Variants in CAMTA1 observed in about 807,000 individuals in gnomAD.
The protein encoded by CAMTA1 is calmodulin-binding transcription activator 1.
Under a neutral mutation model 170.9 loss-of-function variants are expected in CAMTA1, and 27 were observed. The observed-to-expected ratio is 0.16, with a 90% CI of 0.12 to 0.22. The LOEUF (loss-of-function observed/expected upper bound fraction) is 0.22, where lower values mean the gene tolerates loss of function less well. Among genes scored for constraint, CAMTA1 ranks in the 10% least tolerant of loss-of-function variants. The probability of loss-of-function intolerance (pLI) is 1.00; values close to 1 mark genes in which losing one functional copy is unlikely to be tolerated. For missense variants in CAMTA1, 1,619 were observed against 2,217.2 expected (o/e 0.73, Z 5.42); for synonymous variants, 833 against 891.5 (o/e 0.93, Z 1.17).
At chr1:6,998,062 G>A (rs775191880) in intron 3 of CAMTA1, among the ~76,000 whole-genome samples, 1 of 151,152 alleles carries the variant, frequency 6.6e-6, no homozygotes, top group Non-Finnish European at 1.5e-5. Flanking sequence ...TTATTCTTTG[G>A]CTGTGTACTG....
At chr1:7,149,829 C>T (rs1299582122) in intron 4 of CAMTA1, among the ~76,000 whole-genome samples, 3 of 152,136 alleles carry the variant, frequency 2.0e-5, no homozygotes, top group Non-Finnish European at 4.4e-5. Context: ...GCCGGGAAGA[C>T]GTTGAAGACA....
chr1:7,524,510 T>G (rs2094407247), intron 6 of CAMTA1, among the ~76,000 whole-genome samples: 1 of 152,176 alleles, frequency 6.6e-6, no homozygotes, highest in Non-Finnish European at 1.5e-5. Context: ...TCCTGTACTG[T>G]GTTGGGTGAG....
At position 7,249,452 on chromosome 1, in the gene CAMTA1, C is replaced by G. The variant is rs768297917; in HGVS notation, c.303-39C>G. 1 of 1,582,198 alleles carries G rather than the reference C, an allele frequency of 6.3e-7. No homozygotes were observed. The highest frequency in any genetic ancestry group is 1.2e-5 in the South Asian group (1 of 85,866). ...TCTTTCTTCATAAATTTTTCTTCTACTTGGTACTCTTGGTAACTTAACCAT... is the reference window on the plus strand; with the variant it reads ...TCTTTCTTCATAAATTTTTCTTCTAGTTGGTACTCTTGGTAACTTAACCAT... On this transcript the variant is annotated intron_variant, in intron 4 of 22. Transcript: ENST00000303635. The surrounding 1 kb of genome is among the most constrained non-coding windows in gnomAD (Gnocchi z 4.4).
At chr1:7,449,595 C>A (rs1206324862) in intron 5 of CAMTA1, among the ~76,000 whole-genome samples, 2 of 151,936 alleles carry the variant, frequency 1.3e-5, no homozygotes, top group African/African-American at 2.4e-5. Context: ...CATGGTGAAA[C>A]CCCATCTCTA....
chr1:7,747,875 T>G, intron 19 of CAMTA1, 94 bp downstream of exon 19: 1 of 665,384 alleles, frequency 1.5e-6, no homozygotes, highest in East Asian at 2.9e-5. Context: ...ATCTAGTACC[T>G]CATTACAGAG....
intron 7 of CAMTA1, among the ~76,000 whole-genome samples, chr1:7,657,324 C>T (rs573225563): frequency 1.2e-4 from 18 of 152,218 alleles, no homozygotes; most frequent in Non-Finnish European, 2.6e-4. Context: ...GAGAGGGTCC[C>T]TCTGTCTGGG....
chr1:6,863,570 C>G (rs1292332041), intron 3 of CAMTA1, among the ~76,000 whole-genome samples: 1 of 152,214 alleles, frequency 6.6e-6, no homozygotes, highest in Non-Finnish European at 1.5e-5. Context: ...CTTCCGTGTT[C>G]TCAGTGAAGG....
At chr1:7,274,294 A>G (rs1057429888) in intron 5 of CAMTA1, among the ~76,000 whole-genome samples, 7 of 152,184 alleles carry the variant, frequency 4.6e-5, no homozygotes. Flanking sequence ...ACTAACCATA[A>G]GAAAACTAAA....
chr1:7,531,849 G>A (rs1159429739), intron 6 of CAMTA1, among the ~76,000 whole-genome samples: 1 of 152,256 alleles, frequency 6.6e-6, no homozygotes, highest in African/African-American at 2.4e-5. Flanking sequence ...CCTGTGAGCT[G>A]GTCAGGTGGT....
chr1:7,599,890 G>T (rs1373445133), intron 6 of CAMTA1, among the ~76,000 whole-genome samples: 2 of 152,140 alleles, frequency 1.3e-5, no homozygotes, highest in Non-Finnish European at 2.9e-5. Flanking sequence ...CTGCAAACAG[G>T]GACGATTTGA....
chr1:7,259,534 G>T (rs981825887), intron 5 of CAMTA1, among the ~76,000 whole-genome samples: 3 of 152,184 alleles, frequency 2.0e-5, no homozygotes, highest in South Asian at 2.1e-4. Context: ...ATTGGGACAC[G>T]CCATTCTGTT....
intron 5 of CAMTA1, among the ~76,000 whole-genome samples, chr1:7,358,312 A>G (rs190464786): frequency 3.9e-5 from 6 of 152,368 alleles, no homozygotes; most frequent in African/African-American, 1.4e-4. Context: ...CCTATTATCT[A>G]GAAGTCATGG....
At position 7,576,137 on chromosome 1, in the gene CAMTA1, T is replaced by C. The variant is rs551191907; in HGVS notation, c.511-64263T>C. Among the ~76,000 whole-genome samples the C allele has an allele frequency of 3.9e-5, 6 of 152,226 alleles. No individual in the cohort carries two copies. The South Asian group carries it at 8.3e-4, about 21-fold the overall frequency. ...AATTCTCCTGCCTCAGCCTCCCAAGTAGCTGGGATTACAGGTGCCCACCAC... is the reference window on the plus strand; with the variant it reads ...AATTCTCCTGCCTCAGCCTCCCAAGCAGCTGGGATTACAGGTGCCCACCAC... On this transcript the variant is annotated intron_variant, in intron 6 of 22. Transcript: ENST00000303635.
chr1:7,713,295 A>T (rs780837800), intron 11 of CAMTA1, among the ~76,000 whole-genome samples: 10 of 152,184 alleles, frequency 6.6e-5, no homozygotes, highest in Non-Finnish European at 1.2e-4. Flanking sequence ...GAGCCTGATG[A>T]GAGAAAGAGG....
intron 4 of CAMTA1, among the ~76,000 whole-genome samples, chr1:7,199,151 C>G (rs1332070286): frequency 1.1e-5 from 1 of 87,870 alleles, no homozygotes; most frequent in Non-Finnish European, 2.3e-5. Context: ...TCCTTGTTTA[C>G]TGATGCCCCC....
intron 5 of CAMTA1, among the ~76,000 whole-genome samples, chr1:7,378,947 C>T (rs1396509815): frequency 6.6e-6 from 1 of 152,086 alleles, no homozygotes; most frequent in East Asian, 1.9e-4. Context: ...CGAGGCACCC[C>T]ATCCCCATCC....
intron 6 of CAMTA1, among the ~76,000 whole-genome samples, chr1:7,557,316 A>T (rs1217054698): frequency 6.6e-6 from 1 of 151,820 alleles, no homozygotes; most frequent in Non-Finnish European, 1.5e-5. Flanking sequence ...CAGAAAAAAA[A>T]AAAAAAAGAT....
intron 5 of CAMTA1, among the ~76,000 whole-genome samples, chr1:7,277,431 A>G (rs1201278736): frequency 2.0e-5 from 3 of 151,348 alleles, no homozygotes; most frequent in African/African-American, 7.3e-5. Flanking sequence ...CAAACTAGAG[A>G]ACTAAATTAA....
intron 5 of CAMTA1, among the ~76,000 whole-genome samples, chr1:7,465,963 AGC>A (rs1401282231): frequency 6.6e-6 from 1 of 152,218 alleles, no homozygotes; most frequent in African/African-American, 2.4e-5. Context: ...GTGGGGAAAC[AGC>A]AGATGGAAAC....
Sources: allele counts gnomAD v4.1 joint callset (sites outside exome capture counted in the v4.1 genomes callset), GRCh38; gene constraint gnomAD v4.1.1; non-coding constraint Gnocchi (gnomAD v3.1); transcripts MANE v1.5; gene names NCBI Gene and HGNC (gene_info 2026-07-23, HGNC 2026-07-21).